MED16: variants seen among roughly 807,000 people sequenced by gnomAD.
The protein encoded by MED16 is mediator of RNA polymerase II transcription subunit 16.
In MED16, 81 loss-of-function variants were observed where a neutral mutation model predicts 84.4. The observed-to-expected ratio is 0.96, with a 90% CI of 0.80 to 1.15. The LOEUF (loss-of-function observed/expected upper bound fraction) is 1.15, where lower values mean the gene tolerates loss of function less well. Among genes scored for constraint, MED16 ranks in the 50% most tolerant of loss-of-function variants. The probability of loss-of-function intolerance (pLI) is 0.00; values close to 1 mark genes in which losing one functional copy is unlikely to be tolerated. For missense variants in MED16, 1,585 were observed against 1,245.9 expected, an observed-to-expected ratio of 1.27 and a Z score of -4.10; for synonymous variants, 897 against 552.2, an observed-to-expected ratio of 1.62 and a Z score of -8.76.
In MED16 at chr19:876,890, C is replaced by A. The variant is rs1347230452; in HGVS notation, c.1560+84G>T. 1.9e-5 allele frequency: 26 copies of A among 1,405,250 alleles called. 1 individual carries two copies. The South Asian group carries it at 3.4e-4, about 18-fold the overall frequency. 87.0% of individuals were successfully genotyped at this position (1,405,250 alleles called of 1,614,324 possible). On this transcript the variant is annotated intron_variant, in intron 9 of 15. Transcript: ENST00000325464. ...CCACCTGCCACGGGGCCCCCACCTG[C>A]CACGGGGCCCCACCTGCCACGGGGC...
At position 879,953 on chromosome 19, in the gene MED16, A is replaced by C; in HGVS notation, c.1337T>G (p.Ile446Ser). The change falls in exon 8 of 16, where the codon ATT becomes AGT. Residue 446 changes from isoleucine (I) to serine (S), a missense_variant. Coordinates refer to ENST00000325464, the MANE Select transcript of MED16 (RefSeq NM_005481.3). ...GCAGCTCACCTTCCCGTGGCTGTCA[A>C]TCCCCACCAGGGCCAGTGACGTCCA... Reference protein sequence around the residue: ...LSWTSLALVGIDSHGKLSVLR... With the variant: ...LSWTSLALVGSDSHGKLSVLR... 1 of 1,604,804 alleles carries C rather than the reference A, an allele frequency of 6.2e-7. No individual in the cohort carries two copies. Among genetic ancestry groups the C allele is most frequent in the Non-Finnish European group, 8.5e-7 (1 of 1,176,996 alleles).
chr19:878,929 G>A (rs1425577115), intron 8 of MED16, among the ~76,000 whole-genome samples: 485 of 42,358 alleles, frequency 0.011, no homozygotes, highest in South Asian at 0.026. Context: ...CCCGGCCCCG[G>A]CCCCGGCCCC....
chr19:877,178 C>CA lies in MED16; in HGVS notation c.1355dup (p.Ser453GlufsTer121). The CA allele has an allele frequency of 6.2e-7, 1 of 1,607,244 alleles. No individual in the cohort carries two copies. The highest frequency in any genetic ancestry group is 8.5e-7 in the Non-Finnish European group (1 of 1,178,162). ...TGGAAGGTGAGAGGCGGAGCACGCT[C>CA]AGCTGCCAGAGACAGAGCCCAAGGA... On this transcript the variant is annotated frameshift_variant and splice_region_variant, in exon 9 of 16. Coordinates refer to ENST00000325464, the MANE Select transcript of MED16 (RefSeq NM_005481.3). LOFTEE classifies it high-confidence loss of function.
At position 884,108 on chromosome 19, in the gene MED16, G is replaced by A. The variant is rs183479211; in HGVS notation, c.985+795C>T. On this transcript the variant is annotated intron_variant, in intron 6 of 15. Coordinates refer to ENST00000325464, the MANE Select transcript of MED16 (RefSeq NM_005481.3). ...AGCGCCTGCCCCACCTGCCCCACGT[G>A]CCCCCACGTCTGGCCACTCCAGGGT... 1.0e-3 allele frequency among the ~76,000 whole-genome samples: 156 copies of A among 152,278 alleles called. 1 individual carries two copies. Among genetic ancestry groups the A allele is most frequent in the African/African-American group, 3.4e-3 (140 of 41,566 alleles).
At chr19:870,566 C>CAAAA (rs1227950208) in intron 13 of MED16, among the ~76,000 whole-genome samples, 1 of 103,702 alleles carries the variant, frequency 9.6e-6, no homozygotes, top group African/African-American at 3.5e-5. Context: ...GTCGGGGAGA[C>CAAAA]AAAAAAAAAA....
At chr19:885,461 GT>G (rs2036506360) in intron 5 of MED16, among the ~76,000 whole-genome samples, 1 of 152,124 alleles carries the variant, frequency 6.6e-6, no homozygotes, top group African/African-American at 2.4e-5. Context: ...GTTGGGGGGG[GT>G]CCGGGGGCCC....
In MED16 at chr19:889,581, G is replaced by A. The variant is rs112202451; in HGVS notation, c.447+57C>T. ...ATGGAGAGGAGAGGGGCTGGCGGGT[G>A]GCTGGGTAGGGTGACATCTCATCTG... On this transcript the variant is annotated intron_variant, in intron 4 of 15. Transcript: ENST00000325464. The A allele has an allele frequency of 4.4e-5, 68 of 1,546,938 alleles. 1 individual carries two copies. The highest frequency in any genetic ancestry group is 4.1e-4 in the South Asian group (34 of 82,002).
At chr19:890,329 CG>C in intron 2 of MED16, 85 bp from the exon 3 acceptor site, 1 of 928,306 alleles carries the variant, frequency 1.1e-6, no homozygotes, top group Non-Finnish European at 1.6e-6. Context: ...CCAGGTAAGC[CG>C]GTGTGTGTCC....
At chr19:871,774 AGGGG>A (rs2036066945) in intron 12 of MED16, 148 bp downstream of exon 12, 3 of 171,674 alleles carry the variant, frequency 1.7e-5, no homozygotes, top group Middle Eastern at 1.9e-3. Context: ...GAGCGGGGAG[AGGGG>A]AGAGGGGAGA....
At chr19:881,500 G>C in intron 7 of MED16, 59 bp downstream of exon 7, 1 of 1,556,424 alleles carries the variant, frequency 6.4e-7, no homozygotes, top group Non-Finnish European at 8.7e-7. Context: ...CTGTGCTCAG[G>C]GCCCAACTCC....
rs545520286 is a variant in MED16, at chr19:884,791, A to G, written c.985+112T>C. On this transcript the variant is annotated intron_variant, in intron 6 of 15. Coordinates refer to ENST00000325464, the MANE Select transcript of MED16 (RefSeq NM_005481.3). ...GGAGATCGAGGCGAGACGATCGCTTAGGGCCGGGGTTCAGGACCACCCTGG... is the reference window on the plus strand; with the variant it reads ...GGAGATCGAGGCGAGACGATCGCTTGGGGCCGGGGTTCAGGACCACCCTGG... 4.6e-4 allele frequency: 354 copies of G among 775,426 alleles called. 1 individual carries two copies. The highest frequency in any genetic ancestry group is 2.1e-3 in the Middle Eastern group (9 of 4,376). 48.0% of individuals were successfully genotyped at this position (775,426 alleles called of 1,614,324 possible). A position where few individuals can be genotyped will look rare whatever the true frequency, so the allele number is the denominator to read the frequency against.
At chr19:883,083 C>T (rs2036453159) in intron 6 of MED16, among the ~76,000 whole-genome samples, 1 of 152,210 alleles carries the variant, frequency 6.6e-6, no homozygotes, top group South Asian at 2.1e-4. Context: ...AGGGTACCCT[C>T]ACAGCACGAT....
chr19:870,170 G>T (rs532400388), intron 13 of MED16, among the ~76,000 whole-genome samples: 37 of 152,318 alleles, frequency 2.4e-4, no homozygotes, highest in Non-Finnish European at 4.7e-4. Flanking sequence ...ATCCACAGAG[G>T]GATCTACGGC....
In MED16 at chr19:881,725, AG is replaced by A. The variant is rs1477092815; in HGVS notation, c.986-12del. On this transcript the variant is annotated splice_polypyrimidine_tract_variant and intron_variant, in intron 6 of 15. Transcript: ENST00000325464. Reference sequence around the variant, plus strand: ...GCTGTTTGTCGCCAACTGAAAAATCAGGGGCAGGAAAACAGGAAGGCAATGG... The same window carrying A: ...GCTGTTTGTCGCCAACTGAAAAATCAGGGCAGGAAAACAGGAAGGCAATGG... 6.2e-7 allele frequency: 1 copy of A among 1,607,498 alleles called. No homozygotes were observed. Among genetic ancestry groups the A allele is most frequent in the Admixed American group, 1.7e-5 (1 of 59,862 alleles).
chr19:885,708 C>A, intron 5 of MED16, 62 bp downstream of exon 5: 2 of 1,565,120 alleles, frequency 1.3e-6, no homozygotes, highest in South Asian at 2.3e-5. Flanking sequence ...ACCCCCAGGA[C>A]CCTGAGAAGC....
At chr19:877,288 G>A (rs927264394) in intron 8 of MED16, 108 bp from the exon 9 acceptor site, 80 of 1,028,028 alleles carry the variant, frequency 7.8e-5, no homozygotes, top group Middle Eastern at 3.0e-4. Flanking sequence ...CTGTGTGCGC[G>A]CACGCCCGTG....
At chr19:883,345 C>A (rs1434529696) in intron 6 of MED16, among the ~76,000 whole-genome samples, 9 of 133,794 alleles carry the variant, frequency 6.7e-5, no homozygotes, top group Non-Finnish European at 1.3e-4. Flanking sequence ...TGGCGGGGAC[C>A]GAAGCCTGGC....
rs757212982 is a variant in MED16, at chr19:868,056, A to G, written c.*45T>C. ...CGGGTGAGGCAAGGAAACCGAGGAG[A>G]CGCCCGAGCCGGGTCACCACAAGGT... On this transcript the variant is annotated 3_prime_UTR_variant, in exon 16 of 16. Transcript: ENST00000325464. 12 of 1,557,364 alleles carry G rather than the reference A, an allele frequency of 7.7e-6. No homozygotes were observed. The highest frequency in any genetic ancestry group is 1.0e-5 in the Non-Finnish European group (12 of 1,158,296).
At position 868,195 on chromosome 19, in the gene MED16, G is replaced by A; in HGVS notation, c.2540C>T (p.Ala847Val). The change falls in exon 16 of 16, where the codon GCC becomes GTC. Residue 847 changes from alanine (A) to valine (V), a missense_variant. Transcript: ENST00000325464. ...CGGGCCCAGCTGGACAAAGGCAGGG[G>A]CTTCCTCAGAAGCTCTGCTGGTCAC... ...ACVTSRASEE[A>V]PAFVQLGPQS... 11 of 1,607,192 alleles carry A rather than the reference G, an allele frequency of 6.8e-6. No homozygotes were observed. The highest frequency in any genetic ancestry group is 9.3e-6 in the Non-Finnish European group (11 of 1,177,516).
Sources: allele counts gnomAD v4.1 joint callset (sites outside exome capture counted in the v4.1 genomes callset), GRCh38; gene constraint gnomAD v4.1.1; transcripts MANE v1.5; gene names NCBI Gene and HGNC (gene_info 2026-07-23, HGNC 2026-07-21).